SRGAP2B: variants seen among roughly 807,000 people sequenced by gnomAD.
SRGAP2B encodes the protein SLIT-ROBO Rho GTPase activating protein 2B.
In SRGAP2B, 9 loss-of-function variants were observed where a neutral mutation model predicts 22.2. The ratio of observed to expected loss-of-function variants is 0.41; its 90% CI spans 0.24 to 0.71. The LOEUF is 0.71. SRGAP2B is among the 30% of genes least tolerant of loss of function. SRGAP2B has a pLI of 0.35. For synonymous variants in SRGAP2B, 36 were observed against 87.4 expected, an observed-to-expected ratio of 0.41 and a Z score of 3.28; for missense variants, 114 against 235.8, an observed-to-expected ratio of 0.48 and a Z score of 3.38.
At chr1:145,064,260 G>A (rs1341706977) in intron 2 of SRGAP2B, among the ~76,000 whole-genome samples, 1 of 146,618 alleles carries the variant, frequency 6.8e-6, no homozygotes, top group African/African-American at 2.7e-5. Flanking sequence ...CAGCTTTGCT[G>A]GTAGACAAAA....
At chr1:144,996,313 C>A (rs2102164468) in intron 2 of SRGAP2B, among the ~76,000 whole-genome samples, 1 of 146,756 alleles carries the variant, frequency 6.8e-6, no homozygotes, top group East Asian at 2.0e-4. Flanking sequence ...CCTCTGCAAG[C>A]CTGCTCAGCT....
At chr1:144,952,258 AAAGGC>A (rs1666928295) in intron 4 of SRGAP2B, among the ~76,000 whole-genome samples, 1 of 143,662 alleles carries the variant, frequency 7.0e-6, no homozygotes, top group African/African-American at 2.8e-5. Context: ...GTCACTTGGA[AAAGGC>A]ATCTCCTCTG....
At chr1:145,038,719 TAAAAATGTAC>T (rs1648927583) in intron 2 of SRGAP2B, among the ~76,000 whole-genome samples, 1 of 146,740 alleles carries the variant, frequency 6.8e-6, no homozygotes. Context: ...AAGTGTCTTC[TAAAAATGTAC>T]AAACAACAGA....
At chr1:144,934,483 C>G (rs1356366978) in intron 4 of SRGAP2B, among the ~76,000 whole-genome samples, 1 of 148,610 alleles carries the variant, frequency 6.7e-6, no homozygotes, top group Non-Finnish European at 1.5e-5. Flanking sequence ...TGATATTTCC[C>G]CCCATTTCAG....
chr1:145,030,709 A>T (rs1553625867), intron 2 of SRGAP2B, among the ~76,000 whole-genome samples: 1 of 24,606 alleles, frequency 4.1e-5, no homozygotes, highest in Non-Finnish European at 9.6e-5. Context: ...AATTTAAAAA[A>T]AAAAAAAAAA....
chr1:144,920,567 T>A (rs1553604205), intron 4 of SRGAP2B, among the ~76,000 whole-genome samples: 7 of 149,524 alleles, frequency 4.7e-5, no homozygotes. Flanking sequence ...GGCTAATTTT[T>A]AAAAAAATTG....
intron 2 of SRGAP2B, among the ~76,000 whole-genome samples, chr1:145,017,055 G>C (rs1428017827): frequency 7.2e-6 from 1 of 138,964 alleles, no homozygotes; most frequent in Non-Finnish European, 1.5e-5. Flanking sequence ...CACCTCCTGG[G>C]CTCAAGCGAT....
At chr1:144,913,344 T>C (rs1663554346) in intron 5 of SRGAP2B, among the ~76,000 whole-genome samples, 2 of 149,888 alleles carry the variant, frequency 1.3e-5, no homozygotes, top group Non-Finnish European at 2.9e-5. Flanking sequence ...AATTCTCTGC[T>C]AGGAGAAAGG....
intron 3 of SRGAP2B, among the ~76,000 whole-genome samples, chr1:144,966,470 C>G (rs1433673948): frequency 1.4e-5 from 2 of 147,262 alleles, no homozygotes; most frequent in East Asian, 3.9e-4. Flanking sequence ...CAGGCCTGCC[C>G]TAAAAGAGCT....
intron 4 of SRGAP2B, among the ~76,000 whole-genome samples, chr1:144,932,487 T>C (rs1312219293): frequency 2.0e-5 from 3 of 150,738 alleles, no homozygotes; most frequent in Admixed American, 6.6e-5. Context: ...AACCAGCAAG[T>C]TGAGATGGGG....
chr1:145,031,783 C>T (rs1292213216), intron 2 of SRGAP2B, among the ~76,000 whole-genome samples: 2 of 141,406 alleles, frequency 1.4e-5, no homozygotes, highest in Non-Finnish European at 3.0e-5. Context: ...GGAGGCGGAG[C>T]TTGCAGTGAG....
At chr1:144,905,344 T>C in intron 6 of SRGAP2B, 125 bp from the exon 7 acceptor site, 3 of 601,666 alleles carry the variant, frequency 5.0e-6, no homozygotes, top group Non-Finnish European at 9.1e-6. Flanking sequence ...GCATCTGCCT[T>C]AAATTGGGTT....
intron 2 of SRGAP2B, among the ~76,000 whole-genome samples, chr1:145,036,281 G>A (rs1470209400): frequency 2.2e-5 from 3 of 139,494 alleles, no homozygotes; most frequent in Non-Finnish European, 4.6e-5. Context: ...GAATTCCCAA[G>A]TTGCCATGGC....
At chr1:145,022,835 A>T (rs1553624357) in intron 2 of SRGAP2B, among the ~76,000 whole-genome samples, 2 of 147,796 alleles carry the variant, frequency 1.4e-5, no homozygotes, top group East Asian at 2.0e-4. Flanking sequence ...ATAGGAAGTC[A>T]AGCGCCAAGA....
At chr1:144,920,803 T>A (rs1366147699) in intron 4 of SRGAP2B, among the ~76,000 whole-genome samples, 1 of 150,844 alleles carries the variant, frequency 6.6e-6, no homozygotes, top group Non-Finnish European at 1.5e-5. Flanking sequence ...TACAAAAGTC[T>A]GTACTTGAGG....
intron 3 of SRGAP2B, among the ~76,000 whole-genome samples, chr1:144,961,418 C>CA (rs1553611226): frequency 6.6e-6 from 1 of 152,002 alleles, no homozygotes; most frequent in Non-Finnish European, 1.5e-5. Flanking sequence ...TGGCAACTAT[C>CA]AATACATCTA....
At chr1:144,965,602 C>T (rs1399162322) in intron 3 of SRGAP2B, among the ~76,000 whole-genome samples, 1 of 135,244 alleles carries the variant, frequency 7.4e-6, no homozygotes, top group Non-Finnish European at 1.5e-5. Flanking sequence ...TCCAAAGGAA[C>T]GCAGTTCCTC....
chr1:144,950,651 G>A (rs1666788318), intron 4 of SRGAP2B, among the ~76,000 whole-genome samples: 1 of 139,270 alleles, frequency 7.2e-6, no homozygotes. Context: ...AGGTTTATGT[G>A]CAAAAGAAAA....
chr1:144,907,194 G>T (rs1284258948), intron 5 of SRGAP2B, among the ~76,000 whole-genome samples: 6 of 150,602 alleles, frequency 4.0e-5, no homozygotes, highest in Non-Finnish European at 8.9e-5. Context: ...GAGTGCAAAG[G>T]TACAATATTA....
Sources: allele counts gnomAD v4.1 joint callset (sites outside exome capture counted in the v4.1 genomes callset), GRCh38; gene constraint gnomAD v4.1.1; transcripts MANE v1.5; gene names NCBI Gene and HGNC (gene_info 2026-07-23, HGNC 2026-07-21).